HDAC5: variants seen among roughly 807,000 people sequenced by gnomAD.
The protein encoded by HDAC5 is histone deacetylase 5, also known as antigen NY-CO-9.
HDAC5 carries 25 observed loss-of-function variants against 133.3 expected under a neutral mutation model. The observed-to-expected ratio is 0.19, with a 90% CI of 0.14 to 0.26. HDAC5 has a LOEUF of 0.26. Ranked by LOEUF, HDAC5 falls within the 10% of genes least tolerant of loss-of-function variation. HDAC5 has a pLI of 1.00. For synonymous variants in HDAC5, 589 were observed against 610.8 expected (o/e 0.96, Z 0.53); for missense variants, 1,041 against 1,460.5 (o/e 0.71, Z 4.68).
rs74734434 is a variant in HDAC5 at position 44,095,807 on chromosome 17, G to C, written c.95-1973C>G. 2.1e-3 allele frequency among the ~76,000 whole-genome samples: 326 copies of C among 152,212 alleles called. 3 individuals are homozygous for C. Among genetic ancestry groups the C allele is most frequent in the Non-Finnish European group, 3.9e-3 (268 of 68,022 alleles). ...CAGACAGGAAGAAGGGTAACAGCAG[G>C]GGGAGGGCAGGAGCTTCGGCAGAGA... On this transcript the variant is annotated intron_variant, in intron 3 of 26. Transcript: ENST00000682912.
chr17:44,108,751 C>A (rs368829043), intron 3 of HDAC5, among the ~76,000 whole-genome samples: 769 of 56,858 alleles, frequency 0.014, 13 homozygotes, highest in Admixed American at 0.021. Context: ...TTCCAGAGTC[C>A]AAAAAAAAAA....
chr17:44,110,508 G>A (rs1026416856), intron 3 of HDAC5, among the ~76,000 whole-genome samples: 1 of 152,218 alleles, frequency 6.6e-6, no homozygotes, highest in Non-Finnish European at 1.5e-5. Flanking sequence ...TGGAAGAGAT[G>A]CAGCAGAGTA....
chr17:44,107,673 A>G, intron 3 of HDAC5, among the ~76,000 whole-genome samples: 1 of 150,938 alleles, frequency 6.6e-6, no homozygotes, highest in East Asian at 1.9e-4. Context: ...GTGCATTATA[A>G]TAGTTCCACT....
At chr17:44,088,835 C>T (rs1044526337) in intron 11 of HDAC5, among the ~76,000 whole-genome samples, 1 of 152,134 alleles carries the variant, frequency 6.6e-6, no homozygotes, top group African/African-American at 2.4e-5. Flanking sequence ...TTCCTGGATT[C>T]ACCATCTTTT....
Position 44,079,225 on chromosome 17 carries a change from C to A in HDAC5, c.2997G>T (p.Val999=). Residue 999 remains valine, a synonymous_variant, in exon 24 of 27, where the codon GTG becomes GTT. Coordinates refer to ENST00000682912, the MANE Select transcript of HDAC5 (RefSeq NM_005474.5). ...QLMTLAGGRV[V]LALEGGHDLT... ...AGTCATGGCCTCCCTCCAGGGCCAG[C>A]ACCACCCGGCCCCCTGCCAGGGTCA... 2 of 1,613,344 alleles carry A rather than the reference C, an allele frequency of 1.2e-6. No individual in the cohort carries two copies. The highest frequency in any genetic ancestry group is 2.2e-5 in the South Asian group (2 of 91,032).
At chr17:44,106,701 C>T (rs932677591) in intron 3 of HDAC5, among the ~76,000 whole-genome samples, 1 of 151,862 alleles carries the variant, frequency 6.6e-6, no homozygotes, top group Non-Finnish European at 1.5e-5. Context: ...AGCGATTCTC[C>T]TGCCTCAGCC....
intron 1 of HDAC5, among the ~76,000 whole-genome samples, chr17:44,119,542 G>A (rs751384579): frequency 6.6e-6 from 1 of 152,180 alleles, no homozygotes; most frequent in Non-Finnish European, 1.5e-5. Context: ...TTGAACTCAT[G>A]GTGGGCTCGG....
At chr17:44,079,721 G>C (rs1022439449) in intron 23 of HDAC5, among the ~76,000 whole-genome samples, 1 of 151,852 alleles carries the variant, frequency 6.6e-6, no homozygotes, top group Non-Finnish European at 1.5e-5. Context: ...AATGTGATGG[G>C]AGATATAAAC....
At chr17:44,090,750 CA>C (rs573386732) in intron 11 of HDAC5, among the ~76,000 whole-genome samples, 48 of 147,306 alleles carry the variant, frequency 3.3e-4, no homozygotes, top group African/African-American at 1.2e-3. Flanking sequence ...AGTGCAGTGG[CA>C]CGATCTCGGC....
rs553093366 is a variant in HDAC5, at chr17:44,107,602, C to T, written c.94+3127G>A. 1.4e-4 allele frequency among the ~76,000 whole-genome samples: 14 copies of T among 98,818 alleles called. No individual in the cohort carries two copies. In the South Asian group the frequency reaches 4.4e-3, roughly 31 times the overall value. 64.8% of individuals were successfully genotyped at this position (98,818 alleles called of 152,430 possible). On this transcript the variant is annotated intron_variant, in intron 3 of 26. Coordinates refer to ENST00000682912, the MANE Select transcript of HDAC5 (RefSeq NM_005474.5). ...CAGCCTGGGCAAAAGAGGGAGACTC[C>T]GTATCAAAAAAAAAAAAAAAAAAAA...
Position 44,088,503 on chromosome 17 carries a change from G to A in HDAC5, c.1483C>T (p.Arg495Cys), listed in dbSNP as rs1440244546. Reference sequence around the variant, plus strand: ...TGCGGCAGCGGTGAGGACTGAGTGCGGCTCAGGGGCCGATGCCGCGGGAGC... The same window carrying A: ...TGCGGCAGCGGTGAGGACTGAGTGCAGCTCAGGGGCCGATGCCGCGGGAGC... The part of the protein sequence containing the change: ...GKLPRHRPLS[R>C]TQSSPLPQSP... The change falls in exon 12 of 27, where the codon CGC becomes TGC. Residue 495 changes from arginine to cysteine, a missense_variant. This residue lies in a region of HDAC5 where 433 missense variants were observed against 531.6 expected (regional missense o/e 0.81). Coordinates refer to ENST00000682912, the MANE Select transcript of HDAC5 (RefSeq NM_005474.5). 2 of 1,612,900 alleles carry A rather than the reference G, an allele frequency of 1.2e-6. No individual in the cohort carries two copies.
chr17:44,095,158 A>G (rs60538171), intron 3 of HDAC5, among the ~76,000 whole-genome samples: 1,762 of 152,314 alleles, frequency 0.012, 33 homozygotes, highest in African/African-American at 0.04. Flanking sequence ...TCATTTAAAT[A>G]TCACAGTTAC....
At position 44,082,660 on chromosome 17, in the gene HDAC5, G is replaced by A; in HGVS notation, c.2532C>T (p.Phe844=). 1.2e-6 allele frequency: 2 copies of A among 1,614,152 alleles called. No individual in the cohort carries two copies. The highest frequency in any genetic ancestry group is 1.1e-5 in the South Asian group (1 of 91,080). The change falls in exon 20 of 27, where the codon TTC becomes TTT. Residue 844 remains phenylalanine (F), a synonymous_variant. Transcript: ENST00000682912. ...TTGCGGTGATGGCTACAGAGTTGAA[G>A]AAGCAGAATCCCCTGAGGAGGGGAG... ...AEESTAMGFC[F]FNSVAITAKL...
chr17:44,117,618 G>A lies in HDAC5; in HGVS notation c.-103C>T, dbSNP rs2052728424. ...ACAGACGATAACAGACAGACGGACGGGACGGGAGCCCGGGGCCGCCGTGCC... is the reference window on the plus strand; with the variant it reads ...ACAGACGATAACAGACAGACGGACGAGACGGGAGCCCGGGGCCGCCGTGCC... On this transcript the variant is annotated 5_prime_UTR_variant, in exon 2 of 27. Coordinates refer to ENST00000682912, the MANE Select transcript of HDAC5 (RefSeq NM_005474.5). This position sits in a 1 kb window ranked among gnomAD's most constrained non-coding sequence, Gnocchi z 4.2. The A allele has an allele frequency of 2.1e-6, 3 of 1,412,566 alleles. No individual in the cohort carries two copies. The highest frequency in any genetic ancestry group is 2.8e-5 in the African/African-American group (2 of 71,206). 87.5% of individuals were successfully genotyped at this position (1,412,566 alleles called of 1,614,324 possible).
At chr17:44,104,842 C>T (rs960912984) in intron 3 of HDAC5, among the ~76,000 whole-genome samples, 1 of 152,206 alleles carries the variant, frequency 6.6e-6, no homozygotes, top group Admixed American at 6.5e-5. Flanking sequence ...TTCTATTCCA[C>T]ATCCTCCCGG....
chr17:44,078,474 G>T, intron 26 of HDAC5, 26 bp downstream of exon 26: 1 of 1,592,992 alleles, frequency 6.3e-7, no homozygotes. Flanking sequence ...GGTGAGGGCA[G>T]AGAGGTGGTG....
chr17:44,090,559 G>T (rs2050895015), intron 11 of HDAC5, among the ~76,000 whole-genome samples: 1 of 151,140 alleles, frequency 6.6e-6, no homozygotes. Flanking sequence ...ATTTTTAGTA[G>T]AGATGGGATT....
intron 3 of HDAC5, among the ~76,000 whole-genome samples, chr17:44,106,395 G>A (rs2051945631): frequency 6.6e-6 from 1 of 152,160 alleles, no homozygotes; most frequent in Non-Finnish European, 1.5e-5. Context: ...TGTGCTCTAG[G>A]AGCACAAACT....
chr17:44,101,321 G>A lies in HDAC5; in HGVS notation c.95-7487C>T, dbSNP rs570198961. 3.5e-5 allele frequency among the ~76,000 whole-genome samples: 5 copies of A among 143,496 alleles called. No homozygotes were observed. In the South Asian group the frequency reaches 1.1e-3, roughly 33 times the overall value. 94.1% of individuals were successfully genotyped at this position (143,496 alleles called of 152,430 possible). ...GGGAGGCTGAGGGGCTGAGGCAGGAGAATGGCATGAACCCGGGAGGTGGAG... is the reference window on the plus strand; with the variant it reads ...GGGAGGCTGAGGGGCTGAGGCAGGAAAATGGCATGAACCCGGGAGGTGGAG... On this transcript the variant is annotated intron_variant, in intron 3 of 26. Coordinates refer to ENST00000682912, the MANE Select transcript of HDAC5 (RefSeq NM_005474.5).
Sources: allele counts gnomAD v4.1 joint callset (sites outside exome capture counted in the v4.1 genomes callset), GRCh38; gene constraint gnomAD v4.1.1; regional missense constraint gnomAD v4.1.1; non-coding constraint Gnocchi (gnomAD v3.1); transcripts MANE v1.5; gene names NCBI Gene and HGNC (gene_info 2026-07-23, HGNC 2026-07-21).